FIRRM: variants seen among roughly 807,000 people sequenced by gnomAD.
FIRRM encodes the protein FIGNL1 interacting regulator of recombination and mitosis.
At chr1:169,852,691 A>C in the FIRRM span, 1 of 1,233,276 alleles carries the variant, frequency 8.1e-7, no homozygotes, top group Non-Finnish European at 1.2e-6. Flanking sequence ...TGATCCAATG[A>C]CTAGAATAAA....
At chr1:169,847,861 T>C in the FIRRM span, 3 of 1,176,082 alleles carry the variant, frequency 2.6e-6, no homozygotes, top group Non-Finnish European at 3.6e-6. Flanking sequence ...TAAGAGTTAG[T>C]GATTAAGGGA....
the FIRRM span, among the ~76,000 whole-genome samples, chr1:169,817,352 CTG>C: frequency 6.6e-6 from 1 of 152,150 alleles, no homozygotes; most frequent in Non-Finnish European, 1.5e-5. Flanking sequence ...CAACAATTGT[CTG>C]TGGATGACAA....
the FIRRM span, among the ~76,000 whole-genome samples, chr1:169,839,574 G>T: frequency 6.6e-6 from 1 of 152,046 alleles, no homozygotes. Context: ...CATGTCTTTT[G>T]CCCATTTTCT....
chr1:169,824,881 C>T, the FIRRM span, among the ~76,000 whole-genome samples: 1 of 152,154 alleles, frequency 6.6e-6, no homozygotes, highest in African/African-American at 2.4e-5. Flanking sequence ...AAGTTTATGT[C>T]TCCTTTAATG....
the FIRRM span, among the ~76,000 whole-genome samples, chr1:169,846,234 C>T: frequency 1.3e-5 from 2 of 152,130 alleles, no homozygotes; most frequent in Admixed American, 1.3e-4. Flanking sequence ...GTGATATAAA[C>T]AGGTATGCCA....
At chr1:169,852,785 T>C in the FIRRM span, 1 of 1,613,394 alleles carries the variant, frequency 6.2e-7, no homozygotes, top group South Asian at 1.1e-5. Flanking sequence ...ATGTTTTTTT[T>C]CCAGCCTTAT....
the FIRRM span, among the ~76,000 whole-genome samples, chr1:169,787,976 T>G: frequency 6.6e-6 from 1 of 152,064 alleles, no homozygotes; most frequent in Non-Finnish European, 1.5e-5. Context: ...CTAAGAAGAG[T>G]TGAAAGGGCA....
chr1:169,801,031 T>C, the FIRRM span: 1 of 829,706 alleles, frequency 1.2e-6, no homozygotes, highest in Non-Finnish European at 2.0e-6. Flanking sequence ...TCTTAGATGA[T>C]TTATTATTAA....
chr1:169,810,710 C>A, the FIRRM span, among the ~76,000 whole-genome samples: 14 of 151,846 alleles, frequency 9.2e-5, no homozygotes, highest in Non-Finnish European at 1.9e-4. Context: ...GGACACAGTT[C>A]AACCCATAAC....
the FIRRM span, among the ~76,000 whole-genome samples, chr1:169,847,313 TAAAAAAAAA>T: frequency 9.3e-5 from 8 of 86,336 alleles, no homozygotes; most frequent in African/African-American, 1.8e-4. Context: ...CTTATATTTC[TAAAAAAAAA>T]AAAAAAAAAA....
chr1:169,850,061 TA>T, the FIRRM span: 62 of 567,762 alleles, frequency 1.1e-4, no homozygotes, highest in East Asian at 8.1e-4. Context: ...CAGAAGTAAT[TA>T]AAGCTTACAA....
chr1:169,792,112 T>G, the FIRRM span, among the ~76,000 whole-genome samples: 1 of 152,198 alleles, frequency 6.6e-6, no homozygotes, highest in African/African-American at 2.4e-5. Context: ...AGCATTCTGA[T>G]CCTTACTATA....
the FIRRM span, among the ~76,000 whole-genome samples, chr1:169,840,431 T>A: frequency 2.6e-5 from 4 of 152,326 alleles, no homozygotes; most frequent in Admixed American, 2.0e-4. Context: ...CTTGTAGAGA[T>A]CTTTCACCTC....
the FIRRM span, among the ~76,000 whole-genome samples, chr1:169,848,430 T>C: frequency 1.2e-4 from 18 of 152,296 alleles, no homozygotes; most frequent in East Asian, 3.5e-3. Context: ...CACTTCAATC[T>C]CCAAGGGAGA....
chr1:169,837,093 T>G, the FIRRM span: 1 of 1,587,260 alleles, frequency 6.3e-7, no homozygotes, highest in Admixed American at 1.9e-5. Context: ...AGTCGTACTT[T>G]GGGAGAACTA....
the FIRRM span, chr1:169,836,878 C>A: frequency 7.0e-7 from 1 of 1,429,378 alleles, no homozygotes. Context: ...TGTATCCATT[C>A]CTCTGACTTG....
the FIRRM span, among the ~76,000 whole-genome samples, chr1:169,794,190 G>A: frequency 6.6e-6 from 1 of 152,108 alleles, no homozygotes; most frequent in African/African-American, 2.4e-5. Context: ...ATTCAGACAG[G>A]ACAGCCTAGC....
the FIRRM span, chr1:169,802,725 A>T: frequency 1.3e-6 from 2 of 1,586,842 alleles, no homozygotes; most frequent in Non-Finnish European, 1.7e-6. Flanking sequence ...ATATTTTACA[A>T]GTAAGTCAAA....
the FIRRM span, among the ~76,000 whole-genome samples, chr1:169,835,331 T>C: frequency 2.6e-5 from 4 of 152,216 alleles, no homozygotes; most frequent in African/African-American, 9.6e-5. Flanking sequence ...GGAGTAATTA[T>C]TGAAATCACA....
Sources: gnomAD v4.1 joint callset for allele counts (sites outside exome capture counted in the v4.1 genomes callset) on GRCh38, gnomAD v4.1.1 for gene constraint, MANE v1.5 for transcripts, NCBI Gene and HGNC (gene_info 2026-07-23, HGNC 2026-07-21) for gene names.